Variants in CA10 observed in about 807,000 individuals in gnomAD.
CA10 encodes carbonic anhydrase-related protein 10.
In CA10, 14 loss-of-function variants were observed where a neutral mutation model predicts 44.2. The observed-to-expected ratio is 0.32, with a 90% CI of 0.21 to 0.50. The LOEUF is 0.50. CA10 is among the 20% of genes least tolerant of loss of function. CA10 has a pLI of 0.99. For synonymous variants in CA10, 159 were observed against 141.6 expected, an observed-to-expected ratio of 1.12 and a Z score of -0.87; for missense variants, 350 against 409.7, an observed-to-expected ratio of 0.85 and a Z score of 1.26.
chr17:51,669,876 C>T (rs1037835709), intron 4 of CA10, among the ~76,000 whole-genome samples: 2 of 152,206 alleles, frequency 1.3e-5, no homozygotes, highest in African/African-American at 4.8e-5. Context: ...TGTGTCCCCA[C>T]CCAAATCTTA....
At chr17:51,928,300 A>C (rs1227297667) in intron 3 of CA10, among the ~76,000 whole-genome samples, 2 of 152,148 alleles carry the variant, frequency 1.3e-5, no homozygotes, top group African/African-American at 4.8e-5. Context: ...TAAAAGGTGA[A>C]ATAAATCTCA....
chr17:52,049,484 TAAAAC>T (rs1986999586), intron 2 of CA10, among the ~76,000 whole-genome samples: 4 of 152,144 alleles, frequency 2.6e-5, no homozygotes, highest in African/African-American at 7.2e-5. Flanking sequence ...AAGTGTTTGT[TAAAAC>T]AAACAAAACC....
At chr17:51,791,739 T>C (rs975178585) in intron 3 of CA10, among the ~76,000 whole-genome samples, 1 of 152,212 alleles carries the variant, frequency 6.6e-6, no homozygotes, top group Non-Finnish European at 1.5e-5. Flanking sequence ...ATCAGCTGTT[T>C]TGAGTTAACT....
chr17:51,908,990 T>C (rs931297463), intron 3 of CA10, among the ~76,000 whole-genome samples: 1 of 152,134 alleles, frequency 6.6e-6, no homozygotes, highest in African/African-American at 2.4e-5. Flanking sequence ...TAACTGATTT[T>C]TTGACGTCAT....
chr17:51,654,662 T>C (rs989337624), intron 4 of CA10, among the ~76,000 whole-genome samples: 1 of 152,076 alleles, frequency 6.6e-6, no homozygotes, highest in Non-Finnish European at 1.5e-5. Context: ...GTTCAAGTGA[T>C]TGTCCTGCCT....
At chr17:51,835,716 G>T (rs535469140) in intron 3 of CA10, among the ~76,000 whole-genome samples, 2 of 152,348 alleles carry the variant, frequency 1.3e-5, no homozygotes, top group East Asian at 3.9e-4. Context: ...TCCAGGCAGT[G>T]CTCTAAGTAC....
chr17:52,072,686 C>G (rs1598200191), intron 1 of CA10, among the ~76,000 whole-genome samples: 2 of 147,818 alleles, frequency 1.4e-5, no homozygotes, highest in South Asian at 2.1e-4. Context: ...CATACACACA[C>G]ACACACACAC....
At chr17:51,681,507 T>C (rs1231600153) in intron 4 of CA10, among the ~76,000 whole-genome samples, 2 of 152,198 alleles carry the variant, frequency 1.3e-5, no homozygotes, top group Admixed American at 6.5e-5. Context: ...GGCTACCTTG[T>C]ACATTGTAGG....
intron 4 of CA10, among the ~76,000 whole-genome samples, chr17:51,694,572 G>A (rs1915337577): frequency 6.7e-6 from 1 of 150,284 alleles, no homozygotes; most frequent in Admixed American, 6.6e-5. Flanking sequence ...TGGATGCATA[G>A]TTTGTGAATA....
At chr17:52,063,727 C>A (rs1362808483) in intron 2 of CA10, among the ~76,000 whole-genome samples, 2 of 152,130 alleles carry the variant, frequency 1.3e-5, no homozygotes, top group Admixed American at 6.5e-5. Flanking sequence ...GATGCTGGTG[C>A]CATGCTTCTT....
chr17:51,926,956 T>C (rs1429840026), intron 3 of CA10, among the ~76,000 whole-genome samples: 1 of 152,170 alleles, frequency 6.6e-6, no homozygotes, highest in Non-Finnish European at 1.5e-5. Flanking sequence ...GGTTAGAACA[T>C]ACGTATTTTT....
At chr17:52,103,023 G>C (rs529523365) in intron 1 of CA10, among the ~76,000 whole-genome samples, 1 of 150,740 alleles carries the variant, frequency 6.6e-6, no homozygotes, top group African/African-American at 2.4e-5. Flanking sequence ...ACTTCTTTTT[G>C]TTGTCCTTGG....
At chr17:52,102,728 G>T (rs1988568936) in intron 1 of CA10, among the ~76,000 whole-genome samples, 1 of 152,162 alleles carries the variant, frequency 6.6e-6, no homozygotes, top group Non-Finnish European at 1.5e-5. Context: ...ATGAGTCACT[G>T]TTTGCCCGAA....
At chr17:52,129,536 T>C (rs1989187669) in intron 1 of CA10, among the ~76,000 whole-genome samples, 1 of 152,246 alleles carries the variant, frequency 6.6e-6, no homozygotes, top group South Asian at 2.1e-4. Context: ...GAATCAGGTA[T>C]TTGAATCTTG....
chr17:52,014,558 A>G, intron 2 of CA10, among the ~76,000 whole-genome samples: 1 of 152,018 alleles, frequency 6.6e-6, no homozygotes, highest in Non-Finnish European at 1.5e-5. Context: ...AGCACAGAGG[A>G]GGATTAAGGA....
At chr17:51,728,739 A>G (rs1171939430) in intron 4 of CA10, among the ~76,000 whole-genome samples, 1 of 152,136 alleles carries the variant, frequency 6.6e-6, no homozygotes, top group East Asian at 1.9e-4. Flanking sequence ...ATTATTTTCC[A>G]TTTGCTTTTC....
chr17:51,719,390 TC>T (rs1438411316), intron 4 of CA10, among the ~76,000 whole-genome samples: 4 of 152,118 alleles, frequency 2.6e-5, no homozygotes, highest in African/African-American at 9.7e-5. Flanking sequence ...GAAAGTTGAG[TC>T]ATTGGGGAAT....
chr17:51,675,726 AC>A (rs1914607945), intron 4 of CA10, among the ~76,000 whole-genome samples: 1 of 151,420 alleles, frequency 6.6e-6, no homozygotes, highest in South Asian at 2.1e-4. Context: ...AAAAAAAAAA[AC>A]AAAAACAAAA....
chr17:51,672,421 A>G (rs1914463214), intron 4 of CA10, among the ~76,000 whole-genome samples: 1 of 152,184 alleles, frequency 6.6e-6, no homozygotes, highest in African/African-American at 2.4e-5. Flanking sequence ...TGGGTACAAC[A>G]CCAAGGCATT....
Sources: gnomAD v4.1 joint callset for allele counts (sites outside exome capture counted in the v4.1 genomes callset) on GRCh38, gnomAD v4.1.1 for gene constraint, MANE v1.5 for transcripts, NCBI Gene and HGNC (gene_info 2026-07-23, HGNC 2026-07-21) for gene names.